PCDH15: variants seen among roughly 807,000 people sequenced by gnomAD.
PCDH15 encodes the protein protocadherin-15.
A neutral mutation model predicts 178.5 loss-of-function variants in PCDH15; 129 were observed. That is an observed-to-expected ratio of 0.72 (90% CI 0.63 to 0.84). The LOEUF is 0.84. PCDH15 is among the 40% of genes least tolerant of loss of function. The pLI is 0.00. For synonymous variants in PCDH15, 800 were observed against 732.0 expected (o/e 1.09, Z -1.50); for missense variants, 2,230 against 2,099.9 (o/e 1.06, Z -1.21).
At chr10:54,896,753 G>C (rs970156573) in intron 3 of PCDH15, among the ~76,000 whole-genome samples, 7 of 151,996 alleles carry the variant, frequency 4.6e-5, no homozygotes, top group African/African-American at 1.7e-4. Flanking sequence ...AAAGAGAAAA[G>C]AGCCACAAAT....
At chr10:54,201,828 T>C (rs900125940) in intron 10 of PCDH15, among the ~76,000 whole-genome samples, 1 of 152,202 alleles carries the variant, frequency 6.6e-6, no homozygotes, top group African/African-American at 2.4e-5. Context: ...TTATAGAATG[T>C]CTTTATTCAC....
intron 2 of PCDH15, among the ~76,000 whole-genome samples, chr10:54,937,484 A>T (rs1253288328): frequency 2.0e-5 from 3 of 151,828 alleles, no homozygotes; most frequent in Non-Finnish European, 2.9e-5. Flanking sequence ...ATTTTATTTA[A>T]TTTTTTAAAA....
At chr10:55,275,019 T>C (rs1284882157) in intron 1 of PCDH15, among the ~76,000 whole-genome samples, 1 of 152,090 alleles carries the variant, frequency 6.6e-6, no homozygotes, top group Admixed American at 6.6e-5. Flanking sequence ...GAGTCCCATT[T>C]CCTGCTGTTT....
chr10:53,825,203 G>GTTAA, intron 32 of PCDH15: 3 of 1,498,180 alleles, frequency 2.0e-6, no homozygotes, highest in Non-Finnish European at 2.7e-6. Context: ...TTTTACTAGA[G>GTTAA]TTAATTTAAA....
At chr10:54,857,135 C>T (rs1953755489) in intron 3 of PCDH15, among the ~76,000 whole-genome samples, 1 of 152,108 alleles carries the variant, frequency 6.6e-6, no homozygotes, top group African/African-American at 2.4e-5. Flanking sequence ...GTTTAGTGGA[C>T]ATTGAATTCA....
At chr10:55,345,424 G>T (rs551933308) in intron 2 of PCDH15, among the ~76,000 whole-genome samples, 15 of 152,018 alleles carry the variant, frequency 9.9e-5, no homozygotes, top group Non-Finnish European at 1.8e-4. Context: ...TAAAATGAAA[G>T]GTGAACCACT....
intron 2 of PCDH15, among the ~76,000 whole-genome samples, chr10:55,509,233 T>C (rs759459886): frequency 1.3e-5 from 2 of 151,784 alleles, no homozygotes; most frequent in Non-Finnish European, 2.9e-5. Context: ...TTTTAGGATA[T>C]AGTAAATAGT....
chr10:53,915,431 A>G (rs1389584965), intron 25 of PCDH15, among the ~76,000 whole-genome samples: 4 of 152,186 alleles, frequency 2.6e-5, no homozygotes, highest in Non-Finnish European at 5.9e-5. Flanking sequence ...TTGGACATTT[A>G]ATTAATTAGC....
At chr10:54,560,299 T>C (rs1262319710) in intron 2 of PCDH15, among the ~76,000 whole-genome samples, 2 of 152,122 alleles carry the variant, frequency 1.3e-5, no homozygotes, top group African/African-American at 2.4e-5. Context: ...ATGTTGGTTA[T>C]GTATCGGCCT....
At chr10:54,995,619 A>G (rs764195919) in intron 2 of PCDH15, among the ~76,000 whole-genome samples, 113 of 91,152 alleles carry the variant, frequency 1.2e-3, no homozygotes, top group Admixed American at 3.8e-3. Flanking sequence ...ATAAACATAT[A>G]AATTAACCCT....
At chr10:53,992,233 G>A (rs766332093) in intron 21 of PCDH15, among the ~76,000 whole-genome samples, 7 of 152,190 alleles carry the variant, frequency 4.6e-5, no homozygotes, top group East Asian at 3.9e-4. Context: ...GCAAGACCAC[G>A]AACCCACCAG....
chr10:54,884,366 A>C (rs1954315626), intron 3 of PCDH15, among the ~76,000 whole-genome samples: 1 of 152,084 alleles, frequency 6.6e-6, no homozygotes, highest in Admixed American at 6.6e-5. Context: ...ACTTTATAAT[A>C]AGATTTGAAG....
At chr10:54,630,855 A>G (rs1440253331) in intron 2 of PCDH15, among the ~76,000 whole-genome samples, 3 of 152,176 alleles carry the variant, frequency 2.0e-5, no homozygotes, top group Non-Finnish European at 4.4e-5. Context: ...GGACATGAAG[A>G]GACAGTTCTC....
chr10:53,926,167 GT>G (rs1208957574), intron 25 of PCDH15, among the ~76,000 whole-genome samples: 2 of 152,070 alleles, frequency 1.3e-5, no homozygotes, highest in South Asian at 2.1e-4. Context: ...CCTAGTTCTA[GT>G]TTGGGACTGG....
At chr10:54,209,141 T>C (rs1475848964) in intron 10 of PCDH15, among the ~76,000 whole-genome samples, 1 of 152,108 alleles carries the variant, frequency 6.6e-6, no homozygotes, top group Admixed American at 6.6e-5. Context: ...TGACTGATGA[T>C]CTTTGACTTG....
intron 16 of PCDH15, among the ~76,000 whole-genome samples, chr10:54,086,200 C>A (rs1290974286): frequency 6.6e-6 from 1 of 152,002 alleles, no homozygotes; most frequent in Admixed American, 6.6e-5. Context: ...CCACTCATGG[C>A]CAAAGGTGAA....
At chr10:55,164,578 T>C (rs1248165496) in intron 2 of PCDH15, among the ~76,000 whole-genome samples, 3 of 152,008 alleles carry the variant, frequency 2.0e-5, no homozygotes, top group African/African-American at 7.2e-5. Flanking sequence ...TCTGCAAAAT[T>C]ACCAAAGTTG....
intron 13 of PCDH15, among the ~76,000 whole-genome samples, chr10:54,165,083 A>C (rs2046085638): frequency 2.0e-5 from 3 of 152,176 alleles, no homozygotes; most frequent in Admixed American, 2.0e-4. Context: ...ACATTCAGGA[A>C]GTTCTTCAAT....
At chr10:54,555,562 T>C (rs1359401105) in intron 2 of PCDH15, among the ~76,000 whole-genome samples, 3 of 132,232 alleles carry the variant, frequency 2.3e-5, no homozygotes, top group African/African-American at 7.9e-5. Flanking sequence ...AAACCCCCTC[T>C]CTACTAAAAA....
Sources: gnomAD v4.1 joint callset for allele counts (sites outside exome capture counted in the v4.1 genomes callset) on GRCh38, gnomAD v4.1.1 for gene constraint, MANE v1.5 for transcripts, NCBI Gene and HGNC (gene_info 2026-07-23, HGNC 2026-07-21) for gene names.